MICU1: variants seen among roughly 807,000 people sequenced by gnomAD.
MICU1 encodes the protein calcium uptake protein 1, mitochondrial.
A neutral mutation model predicts 56.8 loss-of-function variants in MICU1; 45 were observed. The observed-to-expected ratio is 0.79, with a 90% confidence interval of 0.62 to 1.02. The LOEUF is 1.02. MICU1 is among the 50% of genes least tolerant of loss of function. The pLI, the probability that MICU1 is intolerant of heterozygous loss-of-function variation, is 0.00. For synonymous variants in MICU1, 186 were observed against 195.1 expected, an observed-to-expected ratio of 0.95 and a Z score of 0.39; for missense variants, 504 against 587.1, an observed-to-expected ratio of 0.86 and a Z score of 1.46.
intron 1 of MICU1, among the ~76,000 whole-genome samples, chr10:72,611,375 G>T (rs1841844409): frequency 6.6e-6 from 1 of 151,906 alleles, no homozygotes; most frequent in African/African-American, 2.4e-5. Context: ...ACTTTGGGAG[G>T]CCGAGGCGGG....
intron 8 of MICU1, among the ~76,000 whole-genome samples, chr10:72,451,704 A>C (rs887248604): frequency 6.6e-6 from 1 of 151,760 alleles, no homozygotes; most frequent in East Asian, 1.9e-4. Context: ...CACTGTACTC[A>C]GCTAATTTTA....
chr10:72,412,652 A>G (rs898461920), intron 9 of MICU1, among the ~76,000 whole-genome samples: 3 of 151,962 alleles, frequency 2.0e-5, no homozygotes, highest in Non-Finnish European at 4.4e-5. Flanking sequence ...GGAGTTCGGG[A>G]CCAGCCTGGC....
intron 1 of MICU1, among the ~76,000 whole-genome samples, chr10:72,589,237 C>T (rs554661706): frequency 3.6e-4 from 55 of 151,578 alleles, no homozygotes; most frequent in African/African-American, 1.3e-3. Context: ...TGCAGTGGGC[C>T]GAGATTGCGT....
chr10:72,404,180 G>A (rs1019956271), intron 10 of MICU1, among the ~76,000 whole-genome samples: 1 of 151,374 alleles, frequency 6.6e-6, no homozygotes, highest in Admixed American at 6.6e-5. Flanking sequence ...AGTACAAATG[G>A]AGTTTCACCC....
At chr10:72,470,217 T>G (rs1056613483) in intron 8 of MICU1, among the ~76,000 whole-genome samples, 6 of 152,190 alleles carry the variant, frequency 3.9e-5, no homozygotes, top group Non-Finnish European at 7.3e-5. Flanking sequence ...AAGGCCTCAT[T>G]AGCACTAAAG....
At chr10:72,388,555 C>T (rs929172550) in intron 10 of MICU1, among the ~76,000 whole-genome samples, 10 of 152,082 alleles carry the variant, frequency 6.6e-5, no homozygotes, top group African/African-American at 2.2e-4. Context: ...AGAACCTATA[C>T]CTGAACAGAA....
intron 5 of MICU1, among the ~76,000 whole-genome samples, chr10:72,524,234 C>A (rs558193701): frequency 2.0e-5 from 3 of 152,210 alleles, no homozygotes; most frequent in East Asian, 3.9e-4. Flanking sequence ...GATCTTCCCA[C>A]GTCAGTCTCC....
At chr10:72,421,380 T>G (rs1286193952) in intron 9 of MICU1, among the ~76,000 whole-genome samples, 1 of 152,144 alleles carries the variant, frequency 6.6e-6, no homozygotes, top group Non-Finnish European at 1.5e-5. Flanking sequence ...GTTCAAGCGA[T>G]TCTCCTGCCT....
At chr10:72,518,120 C>T (rs575673238) in intron 5 of MICU1, among the ~76,000 whole-genome samples, 2 of 151,862 alleles carry the variant, frequency 1.3e-5, no homozygotes, top group African/African-American at 2.4e-5. Context: ...ACAACGTCTG[C>T]CTCCCAGGTT....
intron 8 of MICU1, among the ~76,000 whole-genome samples, chr10:72,449,478 T>A (rs988665860): frequency 2.6e-5 from 4 of 151,928 alleles, no homozygotes; most frequent in African/African-American, 9.7e-5. Flanking sequence ...GCTGAAGCAA[T>A]CCTCCCACCT....
chr10:72,602,212 AG>A (rs1213258925), intron 1 of MICU1, among the ~76,000 whole-genome samples: 1 of 151,126 alleles, frequency 6.6e-6, no homozygotes, highest in Admixed American at 6.6e-5. Flanking sequence ...GCAATTTGGG[AG>A]GCTGAGGTGG....
intron 1 of MICU1, among the ~76,000 whole-genome samples, chr10:72,568,562 C>G (rs1259340603): frequency 6.6e-6 from 1 of 152,028 alleles, no homozygotes; most frequent in Admixed American, 6.6e-5. Context: ...CCATAATGAA[C>G]AGACTTCAGC....
At chr10:72,459,139 T>C (rs973244259) in intron 8 of MICU1, among the ~76,000 whole-genome samples, 4 of 152,054 alleles carry the variant, frequency 2.6e-5, no homozygotes, top group African/African-American at 9.7e-5. Flanking sequence ...AAGACCAGCT[T>C]GGCCAACATG....
chr10:72,496,380 C>A (rs1329521200), intron 6 of MICU1, among the ~76,000 whole-genome samples: 1 of 151,486 alleles, frequency 6.6e-6, no homozygotes, highest in African/African-American at 2.4e-5. Flanking sequence ...TGGCTCACTG[C>A]AACCTCCACC....
At chr10:72,536,450 G>A (rs1047132697) in intron 4 of MICU1, among the ~76,000 whole-genome samples, 3 of 151,982 alleles carry the variant, frequency 2.0e-5, no homozygotes, top group African/African-American at 7.3e-5. Context: ...GGGTTCAAGC[G>A]ATTCTCCTGC....
chr10:72,524,685 T>C (rs1411697685), intron 5 of MICU1: 7 of 1,213,204 alleles, frequency 5.8e-6, no homozygotes, highest in African/African-American at 4.7e-5. Context: ...AGCATTACTA[T>C]GGATTTTGGA....
rs942264536 is a variant in MICU1 at position 72,423,306 on chromosome 10, G to C, written c.999C>G (p.Ala333=). 5.0e-6 allele frequency: 8 copies of C among 1,613,848 alleles called. No homozygotes were observed. Among genetic ancestry groups the C allele is most frequent in the Non-Finnish European group, 6.8e-6 (8 of 1,179,876 alleles). The change falls in exon 9 of 12, where the codon GCC becomes GCG. Residue 333 remains alanine, a synonymous_variant. Transcript: ENST00000361114. ...TERQFGGMLL[A]YSGVQSKKLT... ...GCTTCTTGGACTGCACCCCACTGTA[G>C]GCAAGTAGCATGCCACCAAACTGCC...
intron 8 of MICU1, among the ~76,000 whole-genome samples, chr10:72,447,683 GAT>G (rs1217705875): frequency 1.3e-5 from 2 of 151,910 alleles, no homozygotes; most frequent in Non-Finnish European, 2.9e-5. Context: ...TAAAAAAAAA[GAT>G]ATGAAAAAAT....
At chr10:72,421,512 T>C (rs1332939088) in intron 9 of MICU1, among the ~76,000 whole-genome samples, 1 of 152,166 alleles carries the variant, frequency 6.6e-6, no homozygotes, top group Non-Finnish European at 1.5e-5. Flanking sequence ...TGACCTCAGG[T>C]GATCTGCGTG....
Sources: gnomAD v4.1 joint callset for allele counts (sites outside exome capture counted in the v4.1 genomes callset) on GRCh38, gnomAD v4.1.1 for gene constraint, MANE v1.5 for transcripts, NCBI Gene and HGNC (gene_info 2026-07-23, HGNC 2026-07-21) for gene names.